The following RAB27B variants were observed in gnomAD, a reference collection of about 807,000 sequenced individuals.
RAB27B encodes ras-related protein Rab-27B.
Under a neutral mutation model 24.6 loss-of-function variants are expected in RAB27B, and 15 were observed. The observed-to-expected ratio is 0.61, with a 90% CI of 0.41 to 0.94. RAB27B has a LOEUF of 0.94. Among genes scored for constraint, RAB27B ranks in the 40% least tolerant of loss-of-function variants. The pLI, the probability that RAB27B is intolerant of heterozygous loss-of-function variation, is 0.00. For synonymous variants in RAB27B, 105 were observed against 92.5 expected (o/e 1.14, Z -0.78); for missense variants, 261 against 266.8 (o/e 0.98, Z 0.15).
At chr18:54,785,589 G>T (rs1909060047) in intron 2 of RAB27B, among the ~76,000 whole-genome samples, 1 of 151,248 alleles carries the variant, frequency 6.6e-6, no homozygotes. Flanking sequence ...TTTGTATACA[G>T]TATATTGATT....
intron 2 of RAB27B, among the ~76,000 whole-genome samples, chr18:54,724,460 A>C (rs552006461): frequency 6.6e-6 from 1 of 151,566 alleles, no homozygotes; most frequent in African/African-American, 2.4e-5. Flanking sequence ...GCCGTGGCTC[A>C]TGCCTGTAAT....
intron 2 of RAB27B, among the ~76,000 whole-genome samples, chr18:54,738,247 G>T (rs1421887867): frequency 6.6e-6 from 1 of 152,174 alleles, no homozygotes; most frequent in African/African-American, 2.4e-5. Flanking sequence ...AACTGGAAAA[G>T]AGGAGGAAAT....
chr18:54,764,357 C>G (rs1568057209), intron 2 of RAB27B, among the ~76,000 whole-genome samples: 1 of 152,146 alleles, frequency 6.6e-6, no homozygotes, highest in Non-Finnish European at 1.5e-5. Flanking sequence ...AATTCTGTAT[C>G]TCCTGAAATG....
intron 2 of RAB27B, among the ~76,000 whole-genome samples, chr18:54,752,584 A>G (rs993941561): frequency 6.6e-6 from 1 of 152,186 alleles, no homozygotes. Context: ...GTCCTAAGAA[A>G]GCAGCAAGAA....
chr18:54,810,913 T>C (rs906426575), intron 2 of RAB27B, among the ~76,000 whole-genome samples: 4 of 151,886 alleles, frequency 2.6e-5, no homozygotes, highest in Admixed American at 6.6e-5. Context: ...CCCCCTGCAA[T>C]TGTAGACTCC....
At chr18:54,791,459 C>G (rs1218325851) in intron 2 of RAB27B, among the ~76,000 whole-genome samples, 1 of 152,112 alleles carries the variant, frequency 6.6e-6, no homozygotes, top group Non-Finnish European at 1.5e-5. Context: ...CCTGTAGTCC[C>G]AGCTACTCAG....
chr18:54,827,726 G>T (rs118177573), upstream of RAB27B, among the ~76,000 whole-genome samples: 154 of 152,226 alleles, frequency 1.0e-3, 5 homozygotes, highest in East Asian at 0.028. Flanking sequence ...GGAGTAAATC[G>T]GTTGTTATTA....
At chr18:54,798,538 A>C (rs1007615689) in intron 2 of RAB27B, among the ~76,000 whole-genome samples, 1 of 152,248 alleles carries the variant, frequency 6.6e-6, no homozygotes, top group African/African-American at 2.4e-5. Context: ...GTCTCTTCAC[A>C]TAAGTGTCCA....
chr18:54,830,847 A>C (rs1211753099), intron 1 of RAB27B, among the ~76,000 whole-genome samples: 1 of 152,200 alleles, frequency 6.6e-6, no homozygotes, highest in Non-Finnish European at 1.5e-5. Flanking sequence ...CAATAAGGAG[A>C]GTAACACTCT....
At chr18:54,744,783 G>C (rs555550371) in intron 2 of RAB27B, 16 of 173,816 alleles carry the variant, frequency 9.2e-5, no homozygotes, top group Non-Finnish European at 1.8e-4. Flanking sequence ...ACATGAAAGA[G>C]GAGGATGTCC....
intron 4 of RAB27B, among the ~76,000 whole-genome samples, chr18:54,885,229 C>T (rs748707768): frequency 9.9e-5 from 15 of 152,134 alleles, no homozygotes; most frequent in Non-Finnish European, 1.6e-4. Flanking sequence ...ACAGCTGAGT[C>T]GTCCTATGGG....
intron 2 of RAB27B, among the ~76,000 whole-genome samples, chr18:54,808,605 T>TA (rs1909868444): frequency 6.6e-6 from 1 of 152,232 alleles, no homozygotes; most frequent in Non-Finnish European, 1.5e-5. Flanking sequence ...GTGAGTATGC[T>TA]AAAAAGGTTA....
chr18:54,840,409 C>T (rs529659831), intron 1 of RAB27B, among the ~76,000 whole-genome samples: 2 of 152,222 alleles, frequency 1.3e-5, no homozygotes, highest in East Asian at 3.9e-4. Flanking sequence ...AATATATTTG[C>T]TTGTTTACAT....
At chr18:54,737,192 A>G (rs1909923611) in intron 2 of RAB27B, among the ~76,000 whole-genome samples, 1 of 152,168 alleles carries the variant, frequency 6.6e-6, no homozygotes, top group Non-Finnish European at 1.5e-5. Flanking sequence ...TAGTTTACTC[A>G]TTCACTGTTG....
At chr18:54,776,045 A>T (rs1257708164) in intron 2 of RAB27B, among the ~76,000 whole-genome samples, 1 of 152,182 alleles carries the variant, frequency 6.6e-6, no homozygotes, top group Non-Finnish European at 1.5e-5. Context: ...GAATCTGCAA[A>T]TTCCTGTGTA....
intron 2 of RAB27B, among the ~76,000 whole-genome samples, chr18:54,815,220 G>T (rs572666543): frequency 6.6e-6 from 1 of 152,180 alleles, no homozygotes; most frequent in African/African-American, 2.4e-5. Context: ...GTTTTCCAAG[G>T]GTCAGACTAA....
At chr18:54,724,950 A>G (rs893771956) in intron 2 of RAB27B, among the ~76,000 whole-genome samples, 1 of 151,618 alleles carries the variant, frequency 6.6e-6, no homozygotes, top group African/African-American at 2.4e-5. Flanking sequence ...ATGCTATTAC[A>G]TGAAAGAGGA....
upstream of RAB27B, among the ~76,000 whole-genome samples, chr18:54,823,619 G>T (rs1334486381): frequency 6.6e-6 from 1 of 152,012 alleles, no homozygotes; most frequent in Admixed American, 6.6e-5. Flanking sequence ...CCCATACCTG[G>T]CAGTGTACCA....
chr18:54,784,556 C>T (rs1909020055), intron 2 of RAB27B, among the ~76,000 whole-genome samples: 1 of 152,182 alleles, frequency 6.6e-6, no homozygotes, highest in Admixed American at 6.5e-5. Context: ...TAAGTGAGAA[C>T]ATACAATATT....
Sources: gnomAD v4.1 joint callset for allele counts (sites outside exome capture counted in the v4.1 genomes callset) on GRCh38, gnomAD v4.1.1 for gene constraint, MANE v1.5 for transcripts, NCBI Gene and HGNC (gene_info 2026-07-23, HGNC 2026-07-21) for gene names.